Variants in TENM3 observed in about 807,000 individuals in gnomAD.
TENM3 encodes the protein teneurin transmembrane protein 3, also known as teneurin-3.
In TENM3, 63 loss-of-function variants were observed where a neutral mutation model predicts 255.1. The observed-to-expected ratio is 0.25, with a 90% confidence interval of 0.20 to 0.30. The LOEUF is 0.30. Among genes scored for constraint, TENM3 ranks in the 10% least tolerant of loss-of-function variants. TENM3 has a pLI of 1.00. For missense variants in TENM3, 2,929 were observed against 3,461.1 expected (o/e 0.85, Z 3.86); for synonymous variants, 1,306 against 1,322.3 (o/e 0.99, Z 0.27).
rs57836285 is a variant in TENM3, at chr4:182,438,883, G to C, written c.511+91954G>C. 2.7e-4 allele frequency among the ~76,000 whole-genome samples: 41 copies of C among 152,194 alleles called. 2 individuals carry two copies. The East Asian group carries it at 7.9e-3, about 29-fold the overall frequency. Reference sequence around the variant, plus strand: ...AGCTTTTGTTGAAAATCTTGCAAAGGCCTTTGGCCAAAAATAACATAGTTC... The same window carrying C: ...AGCTTTTGTTGAAAATCTTGCAAAGCCCTTTGGCCAAAAATAACATAGTTC... On this transcript the variant is annotated intron_variant, in intron 3 of 27. Transcript: ENST00000511685.
intron 3 of TENM3, among the ~76,000 whole-genome samples, chr4:182,428,226 G>A (rs1203391818): frequency 1.3e-5 from 2 of 152,012 alleles, no homozygotes; most frequent in Non-Finnish European, 2.9e-5. Context: ...TAAGTGATAA[G>A]GAATTATTAT....
chr4:181,618,183 T>A, the TENM3 span, among the ~76,000 whole-genome samples: 1 of 152,310 alleles, frequency 6.6e-6, no homozygotes, highest in Non-Finnish European at 1.5e-5. Context: ...ATGGCCCTTA[T>A]GAGTTCCCGC....
intron 24 of TENM3, among the ~76,000 whole-genome samples, chr4:182,783,876 G>A (rs1252107951): frequency 3.3e-5 from 5 of 151,516 alleles, no homozygotes; most frequent in Admixed American, 6.6e-5. Flanking sequence ...CATTCTTCAC[G>A]TAGTTCTCGA....
intron 25 of TENM3, among the ~76,000 whole-genome samples, chr4:182,790,553 G>GC (rs968886754): frequency 3.3e-5 from 5 of 152,094 alleles, no homozygotes; most frequent in Admixed American, 3.3e-4. Flanking sequence ...TCTTACGGCA[G>GC]CCCCCCACCT....
rs572727978 is a variant in TENM3, at chr4:182,757,079, G to A, written c.4892+1820G>A. Among the ~76,000 whole-genome samples, 80 of 152,104 alleles carry A rather than the reference G, an allele frequency of 5.3e-4. 1 individual carries two copies. The highest frequency in any genetic ancestry group is 9.9e-4 in the Non-Finnish European group (67 of 67,986). On this transcript the variant is annotated intron_variant, in intron 22 of 27. Coordinates refer to ENST00000511685, the MANE Select transcript of TENM3 (RefSeq NM_001080477.4). The stretch of plus-strand genomic sequence containing the variant: ...TGTAATCCCAGCACTTTGGGAGGCC[G>A]AGGCAGGCGGATCACGAGGTCAGGA...
At chr4:181,995,634 A>C in the TENM3 span, among the ~76,000 whole-genome samples, 1 of 152,080 alleles carries the variant, frequency 6.6e-6, no homozygotes, top group South Asian at 2.1e-4. Flanking sequence ...TTCAAAAACA[A>C]TCATCTGTAT....
At position 182,800,570 on chromosome 4, in the gene TENM3, C is replaced by A; in HGVS notation, c.*219C>A. The A allele has an allele frequency of 2.0e-6, 1 of 502,942 alleles. No homozygotes were observed. Among genetic ancestry groups the A allele is most frequent in the Non-Finnish European group, 3.4e-6 (1 of 292,444 alleles). The allele number at this position is 502,942 out of a possible 1,614,324, so 31.2% of individuals were successfully genotyped here. On this transcript the variant is annotated 3_prime_UTR_variant, in exon 28 of 28. Transcript: ENST00000511685. ...ATGTTTACATATGCATAGCGCTGCA[C>A]TCAGTCGGACTGAACGTAGCCAGAG...
chr4:181,791,289 C>T, the TENM3 span, among the ~76,000 whole-genome samples: 1 of 152,230 alleles, frequency 6.6e-6, no homozygotes, highest in South Asian at 2.1e-4. Flanking sequence ...CATTTTATGA[C>T]TTCTTTAAAT....
the TENM3 span, among the ~76,000 whole-genome samples, chr4:182,068,147 C>A: frequency 6.6e-6 from 1 of 152,254 alleles, no homozygotes; most frequent in African/African-American, 2.4e-5. Flanking sequence ...TTGAATGTTA[C>A]CTCTGTCTAA....
the TENM3 span, among the ~76,000 whole-genome samples, chr4:182,093,846 G>T: frequency 4.6e-5 from 7 of 152,122 alleles, no homozygotes; most frequent in African/African-American, 1.7e-4. Context: ...GGTACTTTCA[G>T]GAAACCATGA....
the TENM3 span, among the ~76,000 whole-genome samples, chr4:181,460,581 T>G: frequency 8.5e-6 from 1 of 118,172 alleles, no homozygotes; most frequent in Non-Finnish European, 2.0e-5. Context: ...CCCAGATATT[T>G]TTTCTTTTGT....
At chr4:182,175,403 G>T (rs1319766812) in intron 1 of TENM3, among the ~76,000 whole-genome samples, 1 of 151,396 alleles carries the variant, frequency 6.6e-6, no homozygotes, top group African/African-American at 2.4e-5. Flanking sequence ...TTTGCAAGCT[G>T]TTTTTTCAGT....
At chr4:182,178,619 G>T (rs1422177354) in intron 1 of TENM3, among the ~76,000 whole-genome samples, 1 of 151,822 alleles carries the variant, frequency 6.6e-6, no homozygotes, top group Non-Finnish European at 1.5e-5. Context: ...CAGTAATTTT[G>T]TTAGCTGTGG....
chr4:181,796,208 T>C, the TENM3 span, among the ~76,000 whole-genome samples: 1 of 152,174 alleles, frequency 6.6e-6, no homozygotes, highest in Non-Finnish European at 1.5e-5. Context: ...ATGTTCCTTA[T>C]AGTCATCGAT....
rs139479854 is a variant in TENM3 at position 182,586,669 on chromosome 4, G to A, written c.512-14255G>A. On this transcript the variant is annotated intron_variant, in intron 3 of 27. Transcript: ENST00000511685. ...CACGTGCCAAGAATAGAAAGGATAC[G>A]CTGGGTTCCATTGAAGTTCATTGCA... 2.8e-3 allele frequency among the ~76,000 whole-genome samples: 420 copies of A among 152,260 alleles called. 1 individual carries two copies. The highest frequency in any genetic ancestry group is 9.2e-3 in the African/African-American group (383 of 41,560).
At chr4:181,836,074 C>A in the TENM3 span, among the ~76,000 whole-genome samples, 341 of 152,160 alleles carry the variant, frequency 2.2e-3, no homozygotes, top group African/African-American at 7.5e-3. Flanking sequence ...ACCTGATGGA[C>A]TGCGAGCTCC....
chr4:182,418,671 C>G (rs1770563114), intron 3 of TENM3, among the ~76,000 whole-genome samples: 6 of 152,224 alleles, frequency 3.9e-5, no homozygotes. Flanking sequence ...ATGTGATCCT[C>G]CCACCTCAGC....
the TENM3 span, among the ~76,000 whole-genome samples, chr4:182,099,937 T>C: frequency 6.6e-6 from 1 of 152,248 alleles, no homozygotes; most frequent in East Asian, 1.9e-4. Context: ...CAATTGTACC[T>C]TTAGAGCAGG....
chr4:181,571,807 T>C, the TENM3 span, among the ~76,000 whole-genome samples: 2 of 152,336 alleles, frequency 1.3e-5, no homozygotes, highest in East Asian at 3.9e-4. Context: ...ACAAAGTGTT[T>C]TGTTCCATCC....
Sources: gnomAD v4.1 joint callset for allele counts (sites outside exome capture counted in the v4.1 genomes callset) on GRCh38, gnomAD v4.1.1 for gene constraint, MANE v1.5 for transcripts, NCBI Gene and HGNC (gene_info 2026-07-23, HGNC 2026-07-21) for gene names.